The following FUBP1 variants were observed in gnomAD, a reference collection of about 807,000 sequenced individuals.
FUBP1 encodes the protein far upstream element-binding protein 1.
A neutral mutation model predicts 94.9 loss-of-function variants in FUBP1; 16 were observed. That is an observed-to-expected ratio of 0.17 (90% CI 0.11 to 0.26). The LOEUF (loss-of-function observed/expected upper bound fraction) is 0.26. FUBP1 is among the 10% of genes least tolerant of loss of function. FUBP1 has a pLI of 1.00. For missense variants in FUBP1, 583 were observed against 808.6 expected (o/e 0.72, Z 3.38); for synonymous variants, 279 against 254.9 (o/e 1.09, Z -0.90).
At chr1:77,950,109 A>G (rs1464359698) in intron 18 of FUBP1, among the ~76,000 whole-genome samples, 1 of 152,250 alleles carries the variant, frequency 6.6e-6, no homozygotes, top group African/African-American at 2.4e-5. Flanking sequence ...GACAAAAGAC[A>G]TATTCCTGAC....
chr1:77,950,082 A>C (rs964641266), intron 18 of FUBP1, among the ~76,000 whole-genome samples: 33 of 152,260 alleles, frequency 2.2e-4, no homozygotes, highest in Non-Finnish European at 5.9e-5. Flanking sequence ...ACTCTGAATT[A>C]AACAAAACAC....
intron 1 of FUBP1, among the ~76,000 whole-genome samples, chr1:77,971,069 A>AG (rs1415499248): frequency 5.8e-4 from 88 of 152,028 alleles, no homozygotes; most frequent in African/African-American, 1.6e-3. Flanking sequence ...AACAAAAAAA[A>AG]AAACCTGGCT....
At chr1:77,972,339 CTA>C (rs1657718927) in intron 1 of FUBP1, among the ~76,000 whole-genome samples, 1 of 152,240 alleles carries the variant, frequency 6.6e-6, no homozygotes, top group East Asian at 1.9e-4. Context: ...TATAAATACT[CTA>C]TGAGTTTGCA....
Position 77,948,163 on chromosome 1 carries a change from A to G in FUBP1, c.*603T>C, listed in dbSNP as rs1652574764. ...ATCATTGTACACACATGCAGTTTTT[A>G]ATCAAACAGAAGGAAAAAAAATGAA... On this transcript the variant is annotated 3_prime_UTR_variant, in exon 20 of 20. Coordinates refer to ENST00000370768, the MANE Select transcript of FUBP1 (RefSeq NM_003902.5). 2 of 1,040,958 alleles carry G rather than the reference A, an allele frequency of 1.9e-6. No individual in the cohort carries two copies. Among genetic ancestry groups the G allele is most frequent in the South Asian group, 9.2e-5 (2 of 21,762 alleles). The allele number at this position is 1,040,958 out of a possible 1,614,324, so 64.5% of individuals were successfully genotyped here. A position where few individuals can be genotyped will look rare whatever the true frequency, so the allele number is the denominator to read the frequency against.
At chr1:77,961,960 T>C (rs555372628) in intron 14 of FUBP1, among the ~76,000 whole-genome samples, 1 of 152,186 alleles carries the variant, frequency 6.6e-6, no homozygotes, top group African/African-American at 2.4e-5. Context: ...TCTTCCCAAG[T>C]TGACAGAAAC....
chr1:77,974,835 T>G lies in FUBP1; in HGVS notation c.120+4050A>C, dbSNP rs115645471. Reference sequence around the variant, plus strand: ...TATTGTAGTTTACTTAATTAACTTCTGAGACTCAGAAAATCTCTAAAATCA... The same window carrying G: ...TATTGTAGTTTACTTAATTAACTTCGGAGACTCAGAAAATCTCTAAAATCA... On this transcript the variant is annotated intron_variant, in intron 1 of 19. Coordinates refer to ENST00000370768, the MANE Select transcript of FUBP1 (RefSeq NM_003902.5). Among the ~76,000 whole-genome samples the G allele has an allele frequency of 5.0e-3, 767 of 152,342 alleles. 7 individuals carry two copies. Among genetic ancestry groups the G allele is most frequent in the African/African-American group, 0.017 (720 of 41,572 alleles).
intron 1 of FUBP1, among the ~76,000 whole-genome samples, 164 bp downstream of exon 1, chr1:77,978,721 T>C (rs1408945765): frequency 6.6e-6 from 1 of 152,238 alleles, no homozygotes; most frequent in Non-Finnish European, 1.5e-5. Flanking sequence ...AACTGGGTTC[T>C]GGTCTCTAAT....
At position 77,948,650 on chromosome 1, in the gene FUBP1, ACTATTTT is replaced by A; in HGVS notation, c.*109_*115del. The A allele has an allele frequency of 7.0e-7, 1 of 1,423,534 alleles. No homozygotes were observed. 88.2% of individuals were successfully genotyped at this position (1,423,534 alleles called of 1,614,324 possible). On this transcript the variant is annotated 3_prime_UTR_variant, in exon 20 of 20. Coordinates refer to ENST00000370768, the MANE Select transcript of FUBP1 (RefSeq NM_003902.5). ...CAAAAAAAAAAAAAAAAAAGGAAAC[ACTATTTT>A]AAACCAAAAACAAAATTAAGATCTT...
Position 77,964,073 on chromosome 1 carries a change from G to T in FUBP1, c.1030C>A (p.Arg344=), listed in dbSNP as rs779399050. The change falls in exon 12 of 20, where the codon CGA becomes AGA. Residue 344 remains arginine (R), a synonymous_variant. Transcript: ENST00000370768. ...HAAEIITDLL[R]SVQAGNPGGP... is the part of the protein sequence containing the mutation. Reference sequence around the variant, plus strand: ...ACTTTCTATCAAACCTGAACACTTCGAAGAAGGTCTGTAATAATTTCTGCA... The same window carrying T: ...ACTTTCTATCAAACCTGAACACTTCTAAGAAGGTCTGTAATAATTTCTGCA... 1.3e-6 allele frequency: 2 copies of T among 1,560,380 alleles called. No individual in the cohort carries two copies. Among genetic ancestry groups the T allele is most frequent in the African/African-American group, 2.7e-5 (2 of 73,884 alleles).
chr1:77,978,558 G>T (rs1426754490), intron 1 of FUBP1, among the ~76,000 whole-genome samples: 2 of 152,214 alleles, frequency 1.3e-5, no homozygotes, highest in Non-Finnish European at 2.9e-5. Flanking sequence ...TAAATTGTGT[G>T]AAACTAACTG....
chr1:77,960,591 G>A, intron 14 of FUBP1, 96 bp from the exon 15 acceptor site: 1 of 1,014,814 alleles, frequency 9.9e-7, no homozygotes. Flanking sequence ...CCCTCTTATA[G>A]TCACAAATAA....
intron 1 of FUBP1, among the ~76,000 whole-genome samples, chr1:77,976,109 T>C (rs1184751016): frequency 7.9e-5 from 12 of 152,200 alleles, no homozygotes; most frequent in Admixed American, 7.2e-4. Flanking sequence ...AAAAACAGCA[T>C]AGTATTCTAG....
In FUBP1 at chr1:77,948,570, T is replaced by G; in HGVS notation, c.*196A>C. ...ATACTAAAAACAAACCAATTTTCATTTCTACACAGAAATATTAACCTCCTA... is the reference window on the plus strand; with the variant it reads ...ATACTAAAAACAAACCAATTTTCATGTCTACACAGAAATATTAACCTCCTA... On this transcript the variant is annotated 3_prime_UTR_variant, in exon 20 of 20. Transcript: ENST00000370768. The G allele has an allele frequency of 7.7e-7, 1 of 1,301,842 alleles. No individual in the cohort carries two copies. The allele number at this position is 1,301,842 out of a possible 1,614,324, so 80.6% of individuals were successfully genotyped here.
chr1:77,960,611 G>A, intron 14 of FUBP1, 116 bp from the exon 15 acceptor site: 1 of 819,832 alleles, frequency 1.2e-6, no homozygotes, highest in Non-Finnish European at 1.8e-6. Flanking sequence ...ACAAATTTTA[G>A]GTTTTCCTTC....
chr1:77,948,184 A>G lies in FUBP1; in HGVS notation c.*582T>C. ...TTTTAATCAAACAGAAGGAAAAAAA[A>G]TGAAGATATCAGGATTACTTGTGCT... On this transcript the variant is annotated 3_prime_UTR_variant, in exon 20 of 20. Transcript: ENST00000370768. 3 of 1,045,772 alleles carry G rather than the reference A, an allele frequency of 2.9e-6. No individual in the cohort carries two copies. The highest frequency in any genetic ancestry group is 3.5e-6 in the Non-Finnish European group (3 of 866,298). The allele number at this position is 1,045,772 out of a possible 1,614,324, so 64.8% of individuals were successfully genotyped here.
intron 4 of FUBP1, 56 bp downstream of exon 4, chr1:77,967,571 T>C: frequency 2.2e-6 from 3 of 1,386,996 alleles, no homozygotes; most frequent in Non-Finnish European, 2.0e-6. Context: ...GTTGTGTTTT[T>C]ACATACAGCT....
At position 77,964,328 on chromosome 1, in the gene FUBP1, A is replaced by G. The variant is rs1180025147; in HGVS notation, c.866T>C (p.Ile289Thr). Residue 289 changes from isoleucine to threonine, a missense_variant, in exon 11 of 20, where the codon ATT becomes ACT. By Grantham distance (89) the Ile-to-Thr change is moderately conservative (BLOSUM62 -1). Coordinates refer to ENST00000370768, the MANE Select transcript of FUBP1 (RefSeq NM_003902.5). The part of the protein sequence containing the change: ...DVPIPRFAVG[I>T]VIGRNGEMIK... The stretch of plus-strand genomic sequence containing the variant: ...CATCTCTCCATTTCTTCCTATTACA[A>G]TGCCAACAGCAAATCTTGGAATGGG... 1 of 1,601,968 alleles carries G rather than the reference A, an allele frequency of 6.2e-7. No homozygotes were observed. The highest frequency in any genetic ancestry group is 8.5e-7 in the Non-Finnish European group (1 of 1,175,422).
At chr1:77,961,097 A>G (rs1305837074) in intron 14 of FUBP1, among the ~76,000 whole-genome samples, 2 of 152,192 alleles carry the variant, frequency 1.3e-5, no homozygotes, top group Non-Finnish European at 2.9e-5. Context: ...ATAGCACAAA[A>G]ATTCCCTTTT....
chr1:77,949,371 A>C, intron 18 of FUBP1, 71 bp from the exon 19 acceptor site: 1 of 1,223,092 alleles, frequency 8.2e-7, no homozygotes, highest in Non-Finnish European at 1.2e-6. Flanking sequence ...AATAAAAACA[A>C]TACCTTGCTT....
Sources: allele counts gnomAD v4.1 joint callset (sites outside exome capture counted in the v4.1 genomes callset), GRCh38; gene constraint gnomAD v4.1.1; transcripts MANE v1.5; gene names NCBI Gene and HGNC (gene_info 2026-07-23, HGNC 2026-07-21).